Variants in SOX6 observed in about 807,000 individuals in gnomAD.
SOX6 encodes transcription factor SOX-6.
SOX6 carries 11 observed loss-of-function variants against 97.8 expected under a neutral mutation model. The observed-to-expected ratio is 0.11, with a 90% CI of 0.07 to 0.19. The LOEUF (loss-of-function observed/expected upper bound fraction) is 0.19, where lower values mean the gene tolerates loss of function less well. SOX6 is among the 10% of genes least tolerant of loss of function. SOX6 has a pLI of 1.00. For synonymous variants in SOX6, 360 were observed against 371.4 expected, an observed-to-expected ratio of 0.97 and a Z score of 0.35; for missense variants, 810 against 1,039.5, an observed-to-expected ratio of 0.78 and a Z score of 3.04.
chr11:15,999,473 T>C (rs1186623640), intron 13 of SOX6, among the ~76,000 whole-genome samples: 7 of 152,218 alleles, frequency 4.6e-5, no homozygotes, highest in Middle Eastern at 3.4e-3. Context: ...GATATATCCA[T>C]ACAATGGGAT....
At chr11:16,069,595 C>G (rs1243002823) in intron 9 of SOX6, among the ~76,000 whole-genome samples, 2 of 151,966 alleles carry the variant, frequency 1.3e-5, no homozygotes, top group Non-Finnish European at 2.9e-5. Flanking sequence ...TAAACTGCAA[C>G]CTTAGTAATT....
chr11:16,364,835 T>C (rs963673168), intron 1 of SOX6, among the ~76,000 whole-genome samples: 3 of 152,122 alleles, frequency 2.0e-5, no homozygotes, highest in Admixed American at 2.0e-4. Flanking sequence ...GTCAGATAAC[T>C]ATAGATATGA....
At chr11:16,463,729 C>T (rs1859976747) in intron 1 of SOX6, among the ~76,000 whole-genome samples, 1 of 152,196 alleles carries the variant, frequency 6.6e-6, no homozygotes, top group South Asian at 2.1e-4. Flanking sequence ...GAGGTGCAGG[C>T]TGTTCCCTCT....
At chr11:16,447,453 C>CTCTTTCTT (rs1554967946) in intron 1 of SOX6, among the ~76,000 whole-genome samples, 1 of 150,774 alleles carries the variant, frequency 6.6e-6, no homozygotes, top group Non-Finnish European at 1.5e-5. Context: ...TTCTCTCTCT[C>CTCTTTCTT]TCTTTCTTTC....
chr11:16,491,277 A>G (rs1023291160), intron 4 of SOX6, among the ~76,000 whole-genome samples: 4 of 152,196 alleles, frequency 2.6e-5, no homozygotes, highest in Admixed American at 6.6e-5. Context: ...TATCATTTAT[A>G]TAAAACTATC....
intron 6 of SOX6, among the ~76,000 whole-genome samples, chr11:16,142,002 G>C (rs1439212593): frequency 6.6e-6 from 1 of 152,162 alleles, no homozygotes; most frequent in Non-Finnish European, 1.5e-5. Context: ...TTTGAAGAGA[G>C]TAGTGGTTCT....
Position 16,039,091 on chromosome 11 carries a change from T to C in SOX6, c.1623+7423A>G, listed in dbSNP as rs75342145. ...CCATCCTTTAGCAATTAGGTAAATA[T>C]GTATGACAAGAATTTTTGTGCACTT... On this transcript the variant is annotated intron_variant, in intron 12 of 15. Transcript: ENST00000683767. Among the ~76,000 whole-genome samples the C allele has an allele frequency of 2.7e-3, 404 of 152,232 alleles. 10 individuals are homozygous for C. In the East Asian group the frequency reaches 0.066, roughly 25 times the overall value.
At chr11:16,485,915 G>A (rs1344790658) in intron 4 of SOX6, among the ~76,000 whole-genome samples, 1 of 84,786 alleles carries the variant, frequency 1.2e-5, no homozygotes, top group Non-Finnish European at 2.3e-5. Flanking sequence ...GGGAAGAAAA[G>A]GGAAGGGGAG....
chr11:16,134,709 C>T (rs1849913226), intron 6 of SOX6, among the ~76,000 whole-genome samples: 1 of 152,130 alleles, frequency 6.6e-6, no homozygotes, highest in Admixed American at 6.6e-5. Context: ...TAAACCACAC[C>T]AGTGCAAGAG....
At chr11:16,323,294 T>C (rs1336981033) in intron 2 of SOX6, among the ~76,000 whole-genome samples, 1 of 152,066 alleles carries the variant, frequency 6.6e-6, no homozygotes, top group East Asian at 1.9e-4. Context: ...GAAAAAGCAG[T>C]TTTTCCATAT....
At chr11:16,390,969 T>C (rs998564820) in intron 1 of SOX6, among the ~76,000 whole-genome samples, 1 of 152,044 alleles carries the variant, frequency 6.6e-6, no homozygotes, top group Non-Finnish European at 1.5e-5. Context: ...TACACTGGAT[T>C]AAGAAAATGT....
chr11:16,437,602 A>C (rs1859405685), intron 1 of SOX6, among the ~76,000 whole-genome samples: 1 of 152,220 alleles, frequency 6.6e-6, no homozygotes, highest in Admixed American at 6.5e-5. Flanking sequence ...AGTCTCCTAA[A>C]ATCATTCTTG....
intron 9 of SOX6, among the ~76,000 whole-genome samples, chr11:16,084,445 T>C (rs997314984): frequency 6.6e-6 from 1 of 151,912 alleles, no homozygotes; most frequent in Non-Finnish European, 1.5e-5. Flanking sequence ...CAGAAGAGTA[T>C]GGACAAACAT....
At chr11:16,193,020 G>T (rs1851670890) in intron 4 of SOX6, among the ~76,000 whole-genome samples, 1 of 151,974 alleles carries the variant, frequency 6.6e-6, no homozygotes, top group African/African-American at 2.4e-5. Context: ...ATCTTAAACA[G>T]GTCATTCATT....
At chr11:15,975,319 T>C (rs2119782243) in intron 15 of SOX6, among the ~76,000 whole-genome samples, 1 of 152,330 alleles carries the variant, frequency 6.6e-6, no homozygotes, top group Non-Finnish European at 1.5e-5. Context: ...AATGCCTCAT[T>C]GGTTTTTTTA....
intron 2 of SOX6, among the ~76,000 whole-genome samples, chr11:16,321,279 A>C (rs202080307): frequency 1.3e-5 from 2 of 150,944 alleles, no homozygotes; most frequent in Non-Finnish European, 3.0e-5. Context: ...AAAAAAAAAA[A>C]CCCTGACTCA....
At chr11:16,380,681 T>C (rs992752416) in intron 1 of SOX6, among the ~76,000 whole-genome samples, 2 of 152,124 alleles carry the variant, frequency 1.3e-5, no homozygotes, top group Non-Finnish European at 2.9e-5. Flanking sequence ...AAATTTAATT[T>C]AATGATGAAA....
At chr11:16,297,626 T>C (rs1411330160) in intron 3 of SOX6, among the ~76,000 whole-genome samples, 1 of 152,178 alleles carries the variant, frequency 6.6e-6, no homozygotes, top group African/African-American at 2.4e-5. Flanking sequence ...CATTACCCAT[T>C]CAAACAGAAA....
intron 3 of SOX6, among the ~76,000 whole-genome samples, chr11:16,307,081 G>A (rs2134283401): frequency 6.6e-6 from 1 of 152,298 alleles, no homozygotes. Flanking sequence ...CATGTTTAAG[G>A]AGGAGGGGAG....
Sources: gnomAD v4.1 joint callset for allele counts (sites outside exome capture counted in the v4.1 genomes callset) on GRCh38, gnomAD v4.1.1 for gene constraint, MANE v1.5 for transcripts, NCBI Gene and HGNC (gene_info 2026-07-23, HGNC 2026-07-21) for gene names.